LUZP2: variants seen among roughly 807,000 people sequenced by gnomAD.
The protein encoded by LUZP2 is leucine zipper protein 2.
A neutral mutation model predicts 51.6 loss-of-function variants in LUZP2; 52 were observed. The observed-to-expected ratio is 1.01, with a 90% CI of 0.81 to 1.27. The LOEUF (loss-of-function observed/expected upper bound fraction) is 1.27, where lower values mean the gene tolerates loss of function less well. Among genes scored for constraint, LUZP2 ranks in the 50% most tolerant of loss-of-function variants. LUZP2 has a pLI of 0.00. For missense variants in LUZP2, 436 were observed against 395.4 expected (o/e 1.10, Z -0.87); for synonymous variants, 154 against 137.3 (o/e 1.12, Z -0.85).
At chr11:24,726,502 T>A (rs1168974690) in intron 1 of LUZP2, among the ~76,000 whole-genome samples, 3 of 151,834 alleles carry the variant, frequency 2.0e-5, no homozygotes, top group Non-Finnish European at 4.4e-5. Context: ...ATATGGGCAC[T>A]GAAGCCAGAC....
chr11:24,900,603 TA>T (rs1287978807), intron 5 of LUZP2, among the ~76,000 whole-genome samples: 1 of 152,196 alleles, frequency 6.6e-6, no homozygotes, highest in Non-Finnish European at 1.5e-5. Context: ...TAGTGAAGTG[TA>T]ACCTAGCTGA....
intron 1 of LUZP2, among the ~76,000 whole-genome samples, chr11:24,717,608 G>T (rs1168224311): frequency 2.0e-5 from 3 of 151,066 alleles, no homozygotes; most frequent in Non-Finnish European, 4.4e-5. Flanking sequence ...GTAGAGACAG[G>T]GTTTCACCGT....
intron 1 of LUZP2, among the ~76,000 whole-genome samples, chr11:24,530,017 T>A (rs1850944614): frequency 6.6e-6 from 1 of 150,934 alleles, no homozygotes; most frequent in African/African-American, 2.4e-5. Flanking sequence ...TAGACTTTAG[T>A]TATTGTGGAA....
At chr11:24,750,903 A>G (rs1859555600) in intron 4 of LUZP2, among the ~76,000 whole-genome samples, 1 of 152,146 alleles carries the variant, frequency 6.6e-6, no homozygotes, top group South Asian at 2.1e-4. Context: ...TAATCCTCTA[A>G]TCTATTTTTA....
intron 7 of LUZP2, among the ~76,000 whole-genome samples, chr11:24,950,520 A>G (rs1460406538): frequency 6.6e-6 from 1 of 151,598 alleles, no homozygotes; most frequent in Non-Finnish European, 1.5e-5. Context: ...AGATACAATT[A>G]TGAGGCATGC....
At chr11:25,030,830 A>G (rs1590855878) in intron 9 of LUZP2, among the ~76,000 whole-genome samples, 1 of 142,404 alleles carries the variant, frequency 7.0e-6, no homozygotes, top group African/African-American at 2.5e-5. Flanking sequence ...TGATTTGCAA[A>G]AAGCTACTCA....
intron 1 of LUZP2, among the ~76,000 whole-genome samples, chr11:24,704,016 G>A (rs1400640729): frequency 6.6e-6 from 1 of 152,120 alleles, no homozygotes. Flanking sequence ...TAAACCAACT[G>A]ACATATTAGA....
chr11:24,596,056 G>T (rs72878842), intron 1 of LUZP2, among the ~76,000 whole-genome samples: 1 of 152,118 alleles, frequency 6.6e-6, no homozygotes, highest in Non-Finnish European at 1.5e-5. Flanking sequence ...CCATTTCATG[G>T]AGAATTTTTA....
At chr11:24,619,761 A>G (rs1854429673) in intron 1 of LUZP2, among the ~76,000 whole-genome samples, 1 of 152,160 alleles carries the variant, frequency 6.6e-6, no homozygotes, top group East Asian at 1.9e-4. Flanking sequence ...CATAATACCT[A>G]ATACAGTGTA....
intron 7 of LUZP2, among the ~76,000 whole-genome samples, chr11:24,971,610 C>G (rs1270041362): frequency 6.6e-6 from 1 of 152,024 alleles, no homozygotes; most frequent in African/African-American, 2.4e-5. Flanking sequence ...CAAATCTGCA[C>G]ACGTACGCCC....
intron 8 of LUZP2, among the ~76,000 whole-genome samples, chr11:24,982,085 G>A (rs1288828464): frequency 6.6e-6 from 1 of 151,874 alleles, no homozygotes; most frequent in East Asian, 1.9e-4. Flanking sequence ...AGTCAGAATG[G>A]CTGTTATTAA....
At chr11:24,911,431 G>A (rs956791452) in intron 6 of LUZP2, among the ~76,000 whole-genome samples, 3 of 152,138 alleles carry the variant, frequency 2.0e-5, no homozygotes, top group Admixed American at 2.0e-4. Context: ...GAGGGTCCTG[G>A]TGGGAGGTAA....
chr11:24,973,930 C>T (rs1310528544), intron 7 of LUZP2, among the ~76,000 whole-genome samples: 11 of 152,010 alleles, frequency 7.2e-5, no homozygotes, highest in Admixed American at 7.2e-4. Context: ...ATGGAGAGTT[C>T]TGTAGATATC....
intron 1 of LUZP2, among the ~76,000 whole-genome samples, chr11:24,639,473 C>T (rs7122636): frequency 0.23 from 34,412 of 151,314 alleles, 4,560 homozygotes; most frequent in African/African-American, 0.33. Context: ...TGTTTTGAGA[C>T]GGAGTTTCAC....
Position 25,079,194 on chromosome 11 carries a change from T to C in LUZP2, c.*536T>C, listed in dbSNP as rs1451684248. 6.6e-6 allele frequency: 1 copy of C among 152,278 alleles called. No individual in the cohort carries two copies. The highest frequency in any genetic ancestry group is 1.5e-5 in the Non-Finnish European group (1 of 68,084). 9.4% of individuals were successfully genotyped at this position (152,278 alleles called of 1,614,324 possible). A position where few individuals can be genotyped will look rare whatever the true frequency, so the allele number is the denominator to read the frequency against. ...TTTTGAACTAATAACAATTATTTTG[T>C]CTAAATAATGCTAAGACAATTCTGT... On this transcript the variant is annotated 3_prime_UTR_variant, in exon 12 of 12. Transcript: ENST00000336930.
chr11:25,054,998 C>CT (rs952369116), intron 10 of LUZP2, among the ~76,000 whole-genome samples: 2 of 129,330 alleles, frequency 1.5e-5, no homozygotes, highest in African/African-American at 2.9e-5. Flanking sequence ...TTTCTTAAAT[C>CT]TTTTTTTCTT....
chr11:24,846,150 A>G (rs1296709123), intron 5 of LUZP2, among the ~76,000 whole-genome samples: 1 of 151,940 alleles, frequency 6.6e-6, no homozygotes, highest in Non-Finnish European at 1.5e-5. Flanking sequence ...GAAAAAAAAA[A>G]CACTATAATT....
chr11:24,679,136 A>T (rs10834427), intron 1 of LUZP2, among the ~76,000 whole-genome samples: 28,192 of 152,180 alleles, frequency 0.19, 2,715 homozygotes, highest in East Asian at 0.32. Flanking sequence ...GTAGTTCCTT[A>T]AAGAAACCTT....
At chr11:24,694,037 GA>G (rs1332029294) in intron 1 of LUZP2, among the ~76,000 whole-genome samples, 1 of 151,834 alleles carries the variant, frequency 6.6e-6, no homozygotes, top group Non-Finnish European at 1.5e-5. Context: ...GAGCAATTTG[GA>G]AAAAAATAAA....
Sources: allele counts gnomAD v4.1 joint callset (sites outside exome capture counted in the v4.1 genomes callset), GRCh38; gene constraint gnomAD v4.1.1; transcripts MANE v1.5; gene names NCBI Gene and HGNC (gene_info 2026-07-23, HGNC 2026-07-21).